The following ANK1 variants were observed in gnomAD, a reference collection of about 807,000 sequenced individuals.
The protein encoded by ANK1 is ankyrin 1, also known as ankyrin-1.
ANK1 carries 51 observed loss-of-function variants against 210.4 expected under a neutral mutation model. That is an observed-to-expected ratio of 0.24 (90% CI 0.19 to 0.31). The LOEUF is 0.31. ANK1 is among the 10% of genes least tolerant of loss of function. The pLI is 1.00. For missense variants in ANK1, 2,051 were observed against 2,504.4 expected (o/e 0.82, Z 3.86); for synonymous variants, 967 against 1,025.9 (o/e 0.94, Z 1.10).
At chr8:41,888,715 A>C (rs1818883097) in intron 1 of ANK1, among the ~76,000 whole-genome samples, 2 of 152,274 alleles carry the variant, frequency 1.3e-5, no homozygotes, top group Admixed American at 1.3e-4. Flanking sequence ...ACTGAAGTTA[A>C]GGGGAAAGTT....
upstream of ANK1, among the ~76,000 whole-genome samples, chr8:41,801,570 A>G (rs73623041): frequency 0.028 from 4,205 of 152,324 alleles, 202 homozygotes; most frequent in African/African-American, 0.094. Flanking sequence ...TTGGTATAAA[A>G]TGGTATGGTG....
intron 38 of ANK1, among the ~76,000 whole-genome samples, chr8:41,671,209 C>G (rs1242464907): frequency 2.0e-5 from 3 of 152,178 alleles, no homozygotes; most frequent in African/African-American, 7.2e-5. Flanking sequence ...GAAGAGAGCA[C>G]CCACTGCTCT....
chr8:41,782,412 C>T (rs140592757), intron 1 of ANK1, among the ~76,000 whole-genome samples: 14 of 152,264 alleles, frequency 9.2e-5, no homozygotes, highest in Middle Eastern at 3.4e-3. Flanking sequence ...TCACCCTCTG[C>T]GTCTCCTTTT....
chr8:41,834,001 C>A (rs982157734), intron 1 of ANK1, among the ~76,000 whole-genome samples: 1 of 152,188 alleles, frequency 6.6e-6, no homozygotes, highest in African/African-American at 2.4e-5. Flanking sequence ...AGGTGAGAAA[C>A]CGCTGGAGTA....
intron 1 of ANK1, among the ~76,000 whole-genome samples, chr8:41,817,395 C>G (rs1003188231): frequency 2.6e-5 from 4 of 152,196 alleles, no homozygotes. Flanking sequence ...GGTTTGGGTA[C>G]TGGTAAGAAG....
intron 24 of ANK1, among the ~76,000 whole-genome samples, chr8:41,697,560 T>TC (rs1934765408): frequency 6.6e-6 from 1 of 151,734 alleles, no homozygotes; most frequent in Non-Finnish European, 1.5e-5. Flanking sequence ...AGTGGAGCAC[T>TC]CCCCCGCTCT....
chr8:41,701,962 G>C lies in ANK1; in HGVS notation c.2388+90C>G, dbSNP rs562181839. The C allele has an allele frequency of 7.6e-5, 105 of 1,386,456 alleles. No individual in the cohort carries two copies. In the African/African-American group the frequency reaches 1.3e-3, roughly 18 times the overall value. The allele number at this position is 1,386,456 out of a possible 1,614,324, so 85.9% of individuals were successfully genotyped here. The stretch of plus-strand genomic sequence containing the variant: ...CTCCGACCCGCGTCCCGGAGCCCCA[G>C]AACGCACCCCACTTCCAGAGTAACC... On this transcript the variant is annotated intron_variant, in intron 21 of 42. Coordinates refer to ENST00000289734, the MANE Select transcript of ANK1 (RefSeq NM_000037.4).
intron 2 of ANK1, among the ~76,000 whole-genome samples, chr8:41,744,536 CTTTTTTT>C (rs3063769): frequency 8.0e-6 from 1 of 125,484 alleles, no homozygotes; most frequent in Non-Finnish European, 1.6e-5. Flanking sequence ...GATTTCTTTT[CTTTTTTT>C]TTTTTTTTTT....
At chr8:41,789,478 G>A (rs1847158124) in intron 1 of ANK1, among the ~76,000 whole-genome samples, 1 of 152,226 alleles carries the variant, frequency 6.6e-6, no homozygotes, top group African/African-American at 2.4e-5. Context: ...GCAGAGCACA[G>A]TTTGGAGGTC....
intron 1 of ANK1, among the ~76,000 whole-genome samples, chr8:41,808,736 C>T (rs1165164572): frequency 1.3e-5 from 2 of 152,142 alleles, no homozygotes; most frequent in South Asian, 2.1e-4. Context: ...CCACCCCCTA[C>T]TGCTGCACAC....
rs1563811160 is a variant in ANK1 at position 41,803,085 on chromosome 8, G to GGAAGGGAAGGGAAGGGAAGGAAAGGA, written c.127-44949_127-44948insTCCTTTCCTTCCCTTCCCTTCCCTTC. Among the ~76,000 whole-genome samples, 396 of 60,000 alleles carry GGAAGGGAAGGGAAGGGAAGGAAAGGA rather than the reference G, an allele frequency of 6.6e-3. 4 individuals are homozygous for GGAAGGGAAGGGAAGGGAAGGAAAGGA. The highest frequency in any genetic ancestry group is 0.018 in the South Asian group (25 of 1,398). 39.4% of individuals were successfully genotyped at this position (60,000 alleles called of 152,430 possible). A position where few individuals can be genotyped will look rare whatever the true frequency, so the allele number is the denominator to read the frequency against. ...AAAGGAAGGAAGGAAGGAAGGAAGG[G>GGAAGGGAAGGGAAGGGAAGGAAAGGA]AAGGAAAGGAAAGGAAAGGAAAGGA... On this transcript the variant is annotated intron_variant, in intron 1 of 42. Transcript: ENST00000265709.
chr8:41,741,928 G>T (rs1405828121), intron 2 of ANK1, among the ~76,000 whole-genome samples: 3 of 152,094 alleles, frequency 2.0e-5, no homozygotes, highest in African/African-American at 7.2e-5. Flanking sequence ...GCTCTTTTTG[G>T]CAAAAATCTT....
chr8:41,723,736 CA>C (rs1829915029), intron 7 of ANK1, 103 bp from the exon 8 acceptor site: 2 of 900,530 alleles, frequency 2.2e-6, no homozygotes, highest in Admixed American at 3.8e-5. Flanking sequence ...CCCAGGCCTG[CA>C]ACAGCGTTGT....
chr8:41,821,941 G>A (rs769825683), intron 1 of ANK1, among the ~76,000 whole-genome samples: 9 of 151,656 alleles, frequency 5.9e-5, no homozygotes, highest in Non-Finnish European at 8.8e-5. Context: ...TCCCAGCTAC[G>A]CCGGAGGCTG....
intron 1 of ANK1, among the ~76,000 whole-genome samples, chr8:41,820,186 G>A (rs539541719): frequency 1.3e-4 from 19 of 147,488 alleles, no homozygotes; most frequent in Admixed American, 2.0e-4. Context: ...TTTAGATGGG[G>A]TCTCACTCTG....
chr8:41,716,358 C>G (rs918339326), intron 13 of ANK1, among the ~76,000 whole-genome samples: 2 of 152,050 alleles, frequency 1.3e-5, no homozygotes, highest in East Asian at 1.9e-4. Flanking sequence ...CCCACACCCC[C>G]CCACTTCCTG....
chr8:41,708,724 C>T (rs1825357674), intron 17 of ANK1, 54 bp downstream of exon 17: 1 of 1,593,196 alleles, frequency 6.3e-7, no homozygotes, highest in Non-Finnish European at 8.6e-7. Flanking sequence ...AATATGAAGA[C>T]ACCACACGTT....
rs1563491543 is a variant in ANK1 at position 41,703,438 on chromosome 8, A to ATTTT, written c.2295+602_2295+603insAAAA. Among the ~76,000 whole-genome samples the ATTTT allele has an allele frequency of 8.3e-4, 57 of 68,530 alleles. 1 individual carries two copies. Among genetic ancestry groups the ATTTT allele is most frequent in the African/African-American group, 3.1e-3 (54 of 17,542 alleles). The allele number at this position is 68,530 out of a possible 152,430, so 45.0% of individuals were successfully genotyped here. Reference sequence around the variant, plus strand: ...TGTGTGTGTGTATATATATATATATATATATATATATATTTTTTTTTTTTT... The same window carrying ATTTT: ...TGTGTGTGTGTATATATATATATATATTTTTATATATATATATTTTTTTTTTTTT... On this transcript the variant is annotated intron_variant, in intron 20 of 42. Coordinates refer to ENST00000289734, the MANE Select transcript of ANK1 (RefSeq NM_000037.4).
intron 1 of ANK1, among the ~76,000 whole-genome samples, chr8:41,804,060 G>A (rs891508967): frequency 4.6e-5 from 7 of 152,156 alleles, no homozygotes. Context: ...GAGTTTCTGT[G>A]GGTTGGGAAT....
Sources: gnomAD v4.1 joint callset for allele counts (sites outside exome capture counted in the v4.1 genomes callset) on GRCh38, gnomAD v4.1.1 for gene constraint, MANE v1.5 for transcripts, NCBI Gene and HGNC (gene_info 2026-07-23, HGNC 2026-07-21) for gene names.